Variants in TRPM3 observed in about 807,000 individuals in gnomAD.
TRPM3 encodes the protein long transient receptor potential channel 3.
A neutral mutation model predicts 181.2 loss-of-function variants in TRPM3; 77 were observed. That is an observed-to-expected ratio of 0.42 (90% CI 0.35 to 0.51). TRPM3 has a LOEUF of 0.51. Ranked by LOEUF, TRPM3 falls within the 20% of genes least tolerant of loss-of-function variation. The pLI is 0.01. For synonymous variants in TRPM3, 745 were observed against 796.4 expected (o/e 0.94, Z 1.09); for missense variants, 1,759 against 2,196.7 (o/e 0.80, Z 3.98).
intron 25 of TRPM3, among the ~76,000 whole-genome samples, chr9:70,546,342 T>C (rs1475926491): frequency 1.3e-5 from 2 of 152,166 alleles, no homozygotes; most frequent in Non-Finnish European, 2.9e-5. Flanking sequence ...ACAGAAACTC[T>C]AGGGGTAGGA....
intron 9 of TRPM3, among the ~76,000 whole-genome samples, chr9:70,675,318 C>G (rs1474088175): frequency 1.3e-5 from 2 of 152,230 alleles, no homozygotes; most frequent in East Asian, 3.9e-4. Context: ...CCAGGCTGGT[C>G]TTGAACTCCT....
rs1022101157 is a variant in TRPM3 at position 70,532,065 on chromosome 9, A to G, written c.*3888T>C. ...CACATGCTACAACTACGCTGGGTTA[A>G]ACATGGGTTACATACATGTTTACAT... On this transcript the variant is annotated 3_prime_UTR_variant, in exon 26 of 26. Coordinates refer to ENST00000677713, the MANE Select transcript of TRPM3 (RefSeq NM_001366145.2). The G allele has an allele frequency of 1.3e-5, 2 of 152,244 alleles. No individual in the cohort carries two copies. The highest frequency in any genetic ancestry group is 4.8e-5 in the African/African-American group (2 of 41,466). 9.4% of individuals were successfully genotyped at this position (152,244 alleles called of 1,614,324 possible). A position where few individuals can be genotyped will look rare whatever the true frequency, so the allele number is the denominator to read the frequency against.
At chr9:70,799,615 C>T (rs2088301260) in intron 6 of TRPM3, among the ~76,000 whole-genome samples, 1 of 152,176 alleles carries the variant, frequency 6.6e-6, no homozygotes, top group Non-Finnish European at 1.5e-5. Context: ...CTTCTCTCCA[C>T]ATATAGAATT....
chr9:71,363,030 C>G (rs1269764558), intron 1 of TRPM3, among the ~76,000 whole-genome samples: 1 of 152,026 alleles, frequency 6.6e-6, no homozygotes, highest in Admixed American at 6.6e-5. Flanking sequence ...AAATAAGAAG[C>G]CTTACTAATT....
chr9:70,580,749 C>T (rs1456553240), intron 22 of TRPM3, among the ~76,000 whole-genome samples: 1 of 152,230 alleles, frequency 6.6e-6, no homozygotes, highest in African/African-American at 2.4e-5. Context: ...TAACTGTTAC[C>T]TCCAGGAGAC....
chr9:70,741,331 T>C (rs928410192), intron 8 of TRPM3, among the ~76,000 whole-genome samples: 1 of 152,132 alleles, frequency 6.6e-6, no homozygotes, highest in African/African-American at 2.4e-5. Flanking sequence ...AGGGATGTGG[T>C]GAAAACAGAA....
intron 1 of TRPM3, among the ~76,000 whole-genome samples, chr9:71,166,508 T>A (rs1356088583): frequency 6.6e-6 from 1 of 151,976 alleles, no homozygotes; most frequent in Non-Finnish European, 1.5e-5. Context: ...AGTCTACTAC[T>A]GGGAGAAAAG....
At chr9:70,941,718 G>A (rs1302505295) in intron 1 of TRPM3, among the ~76,000 whole-genome samples, 1 of 152,174 alleles carries the variant, frequency 6.6e-6, no homozygotes, top group Non-Finnish European at 1.5e-5. Flanking sequence ...GGGACAAACT[G>A]TTGGCTTTCT....
intron 1 of TRPM3, among the ~76,000 whole-genome samples, chr9:71,404,380 T>G (rs909636276): frequency 6.6e-6 from 1 of 152,216 alleles, no homozygotes; most frequent in Non-Finnish European, 1.5e-5. Flanking sequence ...CTGAACAACA[T>G]AGTATAACAT....
At chr9:70,686,961 C>CA (rs946029991) in intron 8 of TRPM3, among the ~76,000 whole-genome samples, 2 of 151,482 alleles carry the variant, frequency 1.3e-5, no homozygotes, top group African/African-American at 4.9e-5. Flanking sequence ...GCTGGGGCTA[C>CA]AGGTGCACAC....
At chr9:70,880,817 T>C (rs563709567) in intron 1 of TRPM3, among the ~76,000 whole-genome samples, 2 of 152,260 alleles carry the variant, frequency 1.3e-5, no homozygotes, top group African/African-American at 4.8e-5. Flanking sequence ...GCTACTTATA[T>C]GAAGCCTAAG....
intron 1 of TRPM3, among the ~76,000 whole-genome samples, chr9:70,889,214 G>A (rs1217009227): frequency 3.9e-5 from 6 of 152,130 alleles, no homozygotes; most frequent in Admixed American, 2.0e-4. Flanking sequence ...ACAAATGGTT[G>A]AAAGTCTTTA....
intron 1 of TRPM3, among the ~76,000 whole-genome samples, chr9:71,422,719 G>A (rs1054945837): frequency 3.3e-5 from 5 of 151,938 alleles, no homozygotes; most frequent in South Asian, 2.1e-4. Context: ...CTGTCATATC[G>A]TTATGCTTGG....
At chr9:71,439,418 A>G (rs542212044) in intron 1 of TRPM3, among the ~76,000 whole-genome samples, 2 of 152,342 alleles carry the variant, frequency 1.3e-5, no homozygotes, top group South Asian at 2.1e-4. Flanking sequence ...CAATACACTT[A>G]ATGTTCATAA....
intron 1 of TRPM3, among the ~76,000 whole-genome samples, chr9:71,357,842 T>C (rs2091970034): frequency 6.6e-6 from 1 of 152,154 alleles, no homozygotes. Flanking sequence ...GCTTTTCCTA[T>C]GAATCTGTTA....
chr9:71,408,394 T>C (rs113858713), intron 1 of TRPM3, among the ~76,000 whole-genome samples: 4,063 of 152,102 alleles, frequency 0.027, 76 homozygotes, highest in South Asian at 0.071. Flanking sequence ...ATAGAGAGCA[T>C]AGAGAAGACC....
intron 1 of TRPM3, among the ~76,000 whole-genome samples, chr9:70,922,697 C>T (rs2096670126): frequency 6.6e-6 from 1 of 152,114 alleles, no homozygotes; most frequent in Admixed American, 6.6e-5. Context: ...CACTGATACT[C>T]CACTGGTAAG....
intron 1 of TRPM3, among the ~76,000 whole-genome samples, chr9:71,177,138 T>C (rs553532838): frequency 4.6e-5 from 7 of 152,200 alleles, no homozygotes; most frequent in African/African-American, 1.4e-4. Flanking sequence ...GGGATCTAGA[T>C]TGTGTACTCC....
intron 1 of TRPM3, among the ~76,000 whole-genome samples, chr9:71,431,723 A>C (rs976666456): frequency 7.9e-5 from 12 of 152,232 alleles, no homozygotes; most frequent in African/African-American, 2.9e-4. Context: ...ATTTTATTTC[A>C]TCTTCCATAA....
Sources: allele counts gnomAD v4.1 joint callset (sites outside exome capture counted in the v4.1 genomes callset), GRCh38; gene constraint gnomAD v4.1.1; transcripts MANE v1.5; gene names NCBI Gene and HGNC (gene_info 2026-07-23, HGNC 2026-07-21).